The following DMD variants were observed in gnomAD, a reference collection of about 807,000 sequenced individuals.
DMD encodes mutant dystrophin.
In DMD, 63 loss-of-function variants were observed where a neutral mutation model predicts 330.1. The ratio of observed to expected loss-of-function variants is 0.19; its 90% CI spans 0.16 to 0.24. DMD has a LOEUF of 0.24. Among genes scored for constraint, DMD ranks in the 10% least tolerant of loss-of-function variants. DMD has a pLI of 1.00. For synonymous variants in DMD, 1,223 were observed against 959.8 expected, an observed-to-expected ratio of 1.27 and a Z score of -5.07; for missense variants, 3,344 against 2,684.1, an observed-to-expected ratio of 1.25 and a Z score of -5.43.
At chrX:31,754,285 C>CTTTT (rs2088864571) in intron 51 of DMD, among the ~76,000 whole-genome samples, 1 of 111,681 alleles carries the variant, frequency 9.0e-6, no homozygotes, top group Non-Finnish European at 1.9e-5. Flanking sequence ...CTATTCTAGA[C>CTTTT]ATCTGGCCTA....
At chrX:32,817,147 G>A (rs1247995407) in intron 5 of DMD, among the ~76,000 whole-genome samples, 1 of 111,452 alleles carries the variant, frequency 9.0e-6, no homozygotes, top group Admixed American at 9.6e-5. Context: ...TACATGCAAG[G>A]TTAGTGTAAG....
intron 7 of DMD, among the ~76,000 whole-genome samples, chrX:32,779,638 G>A (rs766038612): frequency 1.0e-5 from 1 of 98,810 alleles, no homozygotes; most frequent in African/African-American, 3.8e-5. Context: ...ATGGTTTCCA[G>A]CTTCATCCAT....
At chrX:31,428,328 C>G (rs191689715) in intron 60 of DMD, among the ~76,000 whole-genome samples, 1 of 111,165 alleles carries the variant, frequency 9.0e-6, no homozygotes, top group East Asian at 2.8e-4. Context: ...CACTCCATCT[C>G]TCACCATGTG....
chrX:32,711,932 G>C (rs753487398), intron 7 of DMD, among the ~76,000 whole-genome samples: 3 of 112,021 alleles, frequency 2.7e-5, no homozygotes, highest in Non-Finnish European at 3.8e-5. Context: ...ATTTGGATAA[G>C]AAACTTAATT....
intron 56 of DMD, among the ~76,000 whole-genome samples, chrX:31,497,336 A>G (rs1442359082): frequency 1.8e-5 from 2 of 111,839 alleles, no homozygotes; most frequent in African/African-American, 6.5e-5. Flanking sequence ...GCCTTGAGAA[A>G]TGGAAAGGTC....
At chrX:32,787,107 T>G (rs1000564589) in intron 7 of DMD, among the ~76,000 whole-genome samples, 1 of 110,721 alleles carries the variant, frequency 9.0e-6, no homozygotes, top group African/African-American at 3.3e-5. Context: ...ACTAATGTCT[T>G]ACAAATACTA....
chrX:31,845,398 T>C (rs979510853), intron 48 of DMD, among the ~76,000 whole-genome samples: 14 of 101,833 alleles, frequency 1.4e-4, no homozygotes, highest in Non-Finnish European at 2.6e-4. Flanking sequence ...TCTCTCTCTC[T>C]CTCTCTCTCT....
chrX:31,551,866 T>G (rs986176308), intron 55 of DMD, among the ~76,000 whole-genome samples: 1 of 112,077 alleles, frequency 8.9e-6, no homozygotes, highest in Non-Finnish European at 1.9e-5. Flanking sequence ...TTACAATATA[T>G]ACATTCAGAA....
chrX:31,145,662 A>ATTTTTTTTT lies in DMD; in HGVS notation c.10921+620_10921+628dup, dbSNP rs749721258. On this transcript the variant is annotated intron_variant, in intron 76 of 78. Transcript: ENST00000357033. ...TCAGTCCCCAGACCCTGGGAACTCT[A>ATTTTTTTTT]TTTTTTTTTTTTTTTTTTGAGACAC... Among the ~76,000 whole-genome samples, 203 of 86,266 alleles carry ATTTTTTTTT rather than the reference A, an allele frequency of 2.4e-3. 8 individuals carry two copies. The highest frequency in any genetic ancestry group is 8.0e-3 in the African/African-American group (173 of 21,530). The allele number at this position is 86,266 out of a possible 115,157, so 74.9% of individuals were successfully genotyped here.
chrX:31,711,925 G>T (rs2084666801), intron 52 of DMD, among the ~76,000 whole-genome samples: 1 of 110,633 alleles, frequency 9.0e-6, no homozygotes, highest in Non-Finnish European at 1.9e-5. Context: ...TTTAAAGTAC[G>T]CATTTTGGGG....
intron 44 of DMD, among the ~76,000 whole-genome samples, chrX:31,992,918 T>C (rs1446639692): frequency 8.9e-6 from 1 of 112,132 alleles, no homozygotes; most frequent in Non-Finnish European, 1.9e-5. Context: ...TATATTTTAT[T>C]TGCAGAAGGA....
rs748953321 is a variant in DMD, at chrX:32,591,914, G to A, written c.1602+3843C>T. ...TGGCTCCTGGGAGAAGCAAAGTTGC[G>A]GCCAAGACCAGGTGTTGTCGCAACC... On this transcript the variant is annotated intron_variant, in intron 13 of 78. Coordinates refer to ENST00000357033, the MANE Select transcript of DMD (RefSeq NM_004006.3). Among the ~76,000 whole-genome samples the A allele has an allele frequency of 5.7e-4, 64 of 112,765 alleles. 1 individual carries two copies. Among genetic ancestry groups the A allele is most frequent in the Non-Finnish European group, 1.1e-3 (61 of 53,258 alleles).
chrX:31,575,665 G>A (rs775661174), intron 55 of DMD, among the ~76,000 whole-genome samples: 2 of 111,965 alleles, frequency 1.8e-5, no homozygotes, highest in South Asian at 7.4e-4. Flanking sequence ...CTTATTGTAA[G>A]GCATTTCAAA....
At chrX:31,559,418 G>A (rs1235740775) in intron 55 of DMD, among the ~76,000 whole-genome samples, 4 of 96,498 alleles carry the variant, frequency 4.1e-5, no homozygotes, top group East Asian at 3.3e-4. Context: ...CGAGACGGGC[G>A]GATCACGAGG....
intron 2 of DMD, among the ~76,000 whole-genome samples, chrX:32,993,380 G>T (rs891370908): frequency 4.5e-5 from 5 of 110,524 alleles, no homozygotes; most frequent in African/African-American, 1.6e-4. Flanking sequence ...GAGGCGGGCG[G>T]ACTGCCTGAC....
intron 52 of DMD, among the ~76,000 whole-genome samples, chrX:31,696,784 C>T (rs1303111245): frequency 8.9e-6 from 1 of 111,967 alleles, no homozygotes; most frequent in African/African-American, 3.2e-5. Flanking sequence ...AAACACAATA[C>T]GATTTTGACT....
intron 12 of DMD, among the ~76,000 whole-genome samples, chrX:32,602,881 A>G (rs1049483246): frequency 5.4e-5 from 6 of 111,498 alleles, no homozygotes; most frequent in African/African-American, 2.0e-4. Context: ...CAAAATGGAG[A>G]GAAATGGTCT....
At chrX:31,142,311 G>A (rs1273758608) in intron 76 of DMD, among the ~76,000 whole-genome samples, 1 of 110,587 alleles carries the variant, frequency 9.0e-6, no homozygotes, top group African/African-American at 3.3e-5. Flanking sequence ...ACCATTGAGT[G>A]GATCAGTGAA....
intron 5 of DMD, among the ~76,000 whole-genome samples, chrX:32,818,043 A>G (rs982585876): frequency 1.6e-4 from 18 of 112,123 alleles, no homozygotes; most frequent in South Asian, 7.4e-4. Flanking sequence ...TCAAATAATT[A>G]CGTAATTTGT....
Sources: gnomAD v4.1 joint callset for allele counts (sites outside exome capture counted in the v4.1 genomes callset) on GRCh38, gnomAD v4.1.1 for gene constraint, MANE v1.5 for transcripts, NCBI Gene and HGNC (gene_info 2026-07-23, HGNC 2026-07-21) for gene names.